The following CNTN5 variants were observed in gnomAD, a reference collection of about 807,000 sequenced individuals.
The protein encoded by CNTN5 is contactin 5.
In CNTN5, 77 loss-of-function variants were observed where a neutral mutation model predicts 129.1. The ratio of observed to expected loss-of-function variants is 0.60; its 90% CI spans 0.50 to 0.72. CNTN5 has a LOEUF of 0.72. CNTN5 is among the 30% of genes least tolerant of loss of function. The probability of loss-of-function intolerance (pLI) is 0.00; values close to 1 mark genes in which losing one functional copy is unlikely to be tolerated. For missense variants in CNTN5, 1,478 were observed against 1,328.8 expected (o/e 1.11, Z -1.75); for synonymous variants, 509 against 465.6 (o/e 1.09, Z -1.20).
intron 23 of CNTN5, among the ~76,000 whole-genome samples, chr11:100,349,469 C>T (rs76349018): frequency 0.013 from 1,973 of 151,876 alleles, 32 homozygotes; most frequent in Middle Eastern, 0.02. Context: ...ATTCTACAGG[C>T]GCTTTCTCAT....
intron 7 of CNTN5, among the ~76,000 whole-genome samples, chr11:99,919,033 T>C (rs1949866258): frequency 6.6e-6 from 1 of 152,152 alleles, no homozygotes; most frequent in African/African-American, 2.4e-5. Flanking sequence ...CAGGACACAG[T>C]AGCAGGGATA....
rs1037184643 is a variant in CNTN5 at position 99,257,675 on chromosome 11, G to A, written c.-209-67671G>A. ...TTGAATAAATATACTCATTTCTGAA[G>A]CCAAGGCAAGTTTCATGAAGACTGT... On this transcript the variant is annotated intron_variant, in intron 1 of 24. Transcript: ENST00000524871. 6.6e-5 allele frequency among the ~76,000 whole-genome samples: 10 copies of A among 152,080 alleles called. No individual in the cohort carries two copies. The South Asian group carries it at 1.2e-3, about 19-fold the overall frequency.
chr11:99,841,835 T>TACACACACAAACACACATATATATACAC (rs1947508198), intron 4 of CNTN5, among the ~76,000 whole-genome samples: 1 of 144,202 alleles, frequency 6.9e-6, no homozygotes, highest in Non-Finnish European at 1.5e-5. Context: ...TATATATATA[T>TACACACACAAACACACATATATATACAC]ACACACACAC....
At chr11:99,292,263 A>AC (rs398115705) in intron 1 of CNTN5, among the ~76,000 whole-genome samples, 2 of 149,880 alleles carry the variant, frequency 1.3e-5, no homozygotes, top group Admixed American at 6.7e-5. Context: ...TAAAAAAAAA[A>AC]CACATAAAAA....
chr11:99,500,501 T>C (rs1946387557), intron 2 of CNTN5, among the ~76,000 whole-genome samples: 2 of 152,286 alleles, frequency 1.3e-5, no homozygotes, highest in South Asian at 4.1e-4. Context: ...CAAAAGTTTA[T>C]CAATTTCCTT....
At chr11:99,508,256 G>T (rs1241426799) in intron 2 of CNTN5, among the ~76,000 whole-genome samples, 3 of 152,244 alleles carry the variant, frequency 2.0e-5, no homozygotes, top group East Asian at 1.9e-4. Context: ...TAATTAATTT[G>T]TATAAAATAC....
At chr11:99,512,801 A>C (rs1316389330) in intron 2 of CNTN5, among the ~76,000 whole-genome samples, 2 of 152,144 alleles carry the variant, frequency 1.3e-5, no homozygotes, top group Non-Finnish European at 2.9e-5. Flanking sequence ...CAACCATTAC[A>C]TCATTTCTCT....
intron 1 of CNTN5, among the ~76,000 whole-genome samples, chr11:99,311,148 C>T (rs1428961570): frequency 4.0e-5 from 6 of 151,730 alleles, no homozygotes; most frequent in African/African-American, 9.7e-5. Context: ...AGGCTGGTGT[C>T]GATCTCCTGA....
chr11:100,032,950 A>T (rs1941797180), intron 9 of CNTN5, among the ~76,000 whole-genome samples: 1 of 152,144 alleles, frequency 6.6e-6, no homozygotes, highest in Admixed American at 6.6e-5. Flanking sequence ...TTTTTGTTTT[A>T]ATAAAATGTC....
intron 9 of CNTN5, among the ~76,000 whole-genome samples, chr11:100,012,459 T>C (rs543022879): frequency 7.9e-5 from 12 of 152,272 alleles, no homozygotes; most frequent in African/African-American, 2.6e-4. Flanking sequence ...AATTTACTTA[T>C]AGGCTTTTAC....
chr11:99,837,094 G>T (rs1179695224), intron 4 of CNTN5, among the ~76,000 whole-genome samples: 7 of 152,098 alleles, frequency 4.6e-5, no homozygotes, highest in Admixed American at 2.0e-4. Flanking sequence ...ATTTGTGACT[G>T]AGAATGTCTT....
At chr11:99,063,534 A>AAATAAATG (rs1555031830) in intron 1 of CNTN5, among the ~76,000 whole-genome samples, 9 of 139,000 alleles carry the variant, frequency 6.5e-5, no homozygotes, top group Non-Finnish European at 1.2e-4. Flanking sequence ...ATAAATAAAT[A>AAATAAATG]AATAAATAAA....
chr11:100,096,416 A>T (rs768894481), intron 13 of CNTN5, among the ~76,000 whole-genome samples: 6 of 152,046 alleles, frequency 3.9e-5, no homozygotes, highest in Non-Finnish European at 7.4e-5. Flanking sequence ...ATATACCCGT[A>T]TTCTGGGATA....
intron 2 of CNTN5, among the ~76,000 whole-genome samples, chr11:99,423,960 A>T (rs1374595900): frequency 6.6e-6 from 1 of 152,154 alleles, no homozygotes; most frequent in Non-Finnish European, 1.5e-5. Context: ...AGAGTATAAC[A>T]GTTCCCTTTT....
At chr11:100,146,982 A>G (rs2138284299) in intron 13 of CNTN5, among the ~76,000 whole-genome samples, 1 of 152,168 alleles carries the variant, frequency 6.6e-6, no homozygotes, top group South Asian at 2.1e-4. Context: ...TATTTCAGTA[A>G]CCTCCTAAAT....
chr11:99,278,549 A>T (rs1317332993), intron 1 of CNTN5, among the ~76,000 whole-genome samples: 3 of 151,750 alleles, frequency 2.0e-5, no homozygotes, highest in South Asian at 4.1e-4. Context: ...GATAGTGATT[A>T]TGAGGATGAT....
intron 3 of CNTN5, among the ~76,000 whole-genome samples, chr11:99,677,957 C>A (rs1196519086): frequency 6.6e-6 from 1 of 152,024 alleles, no homozygotes; most frequent in African/African-American, 2.4e-5. Context: ...CCTTGGTACT[C>A]TCGAAAAAAT....
intron 3 of CNTN5, among the ~76,000 whole-genome samples, chr11:99,574,689 T>G (rs987296677): frequency 1.3e-5 from 2 of 152,228 alleles, no homozygotes; most frequent in African/African-American, 4.8e-5. Context: ...ATATCTTTGT[T>G]GGCCACATAA....
chr11:100,005,132 A>G (rs1182422495), intron 9 of CNTN5, among the ~76,000 whole-genome samples: 1 of 152,192 alleles, frequency 6.6e-6, no homozygotes, highest in African/African-American at 2.4e-5. Flanking sequence ...CCTAGTGCCT[A>G]CCACAGCACC....
Sources: gnomAD v4.1 joint callset for allele counts (sites outside exome capture counted in the v4.1 genomes callset) on GRCh38, gnomAD v4.1.1 for gene constraint, MANE v1.5 for transcripts, NCBI Gene and HGNC (gene_info 2026-07-23, HGNC 2026-07-21) for gene names.